PLEKHM3: variants seen among roughly 807,000 people sequenced by gnomAD.
The protein encoded by PLEKHM3 is pleckstrin homology domain containing M3.
A neutral mutation model predicts 81.8 loss-of-function variants in PLEKHM3; 45 were observed. That is an observed-to-expected ratio of 0.55 (90% CI 0.43 to 0.71). PLEKHM3 has a LOEUF of 0.71. PLEKHM3 is among the 30% of genes least tolerant of loss of function. The probability of loss-of-function intolerance (pLI) is 0.00; values close to 1 mark genes in which losing one functional copy is unlikely to be tolerated. For synonymous variants in PLEKHM3, 352 were observed against 356.4 expected, an observed-to-expected ratio of 0.99 and a Z score of 0.14; for missense variants, 788 against 924.3, an observed-to-expected ratio of 0.85 and a Z score of 1.91.
intron 1 of PLEKHM3, among the ~76,000 whole-genome samples, chr2:208,005,200 A>T (rs1692458576): frequency 6.6e-6 from 1 of 152,202 alleles, no homozygotes; most frequent in African/African-American, 2.4e-5. Flanking sequence ...AGTTTCCTCT[A>T]TGTAACATCT....
intron 4 of PLEKHM3, among the ~76,000 whole-genome samples, chr2:207,934,314 T>C (rs1689679696): frequency 6.6e-6 from 1 of 152,162 alleles, no homozygotes; most frequent in Admixed American, 6.5e-5. Flanking sequence ...AAAGAAAAAT[T>C]CAGCTGATAG....
intron 7 of PLEKHM3, among the ~76,000 whole-genome samples, chr2:207,860,855 C>T (rs1214317354): frequency 6.6e-6 from 1 of 152,164 alleles, no homozygotes; most frequent in South Asian, 2.1e-4. Context: ...TCTCTGTTAC[C>T]TAATAAGGCA....
At chr2:208,015,083 A>T (rs938854073) in intron 1 of PLEKHM3, among the ~76,000 whole-genome samples, 9 of 152,260 alleles carry the variant, frequency 5.9e-5, no homozygotes, top group African/African-American at 2.2e-4. Flanking sequence ...TTACTAAAGT[A>T]CTTACTACTT....
intron 3 of PLEKHM3, among the ~76,000 whole-genome samples, chr2:207,956,534 TAA>T (rs1230742864): frequency 6.7e-6 from 1 of 149,230 alleles, no homozygotes; most frequent in African/African-American, 2.5e-5. Flanking sequence ...AAAGTAAACT[TAA>T]AAAAAAAATT....
intron 2 of PLEKHM3, among the ~76,000 whole-genome samples, chr2:207,996,852 CATA>C (rs1057041625): frequency 4.6e-5 from 7 of 152,074 alleles, no homozygotes; most frequent in Admixed American, 2.0e-4. Context: ...AAATTCAATT[CATA>C]ATAATAACAA....
chr2:207,935,290 C>T (rs1574421727), intron 4 of PLEKHM3, among the ~76,000 whole-genome samples: 1 of 152,160 alleles, frequency 6.6e-6, no homozygotes, highest in South Asian at 2.1e-4. Flanking sequence ...CTGCTTAACC[C>T]AGCCACTTCT....
At chr2:207,900,950 CCAA>C (rs953280144) in intron 6 of PLEKHM3, 46 of 324,090 alleles carry the variant, frequency 1.4e-4, no homozygotes, top group South Asian at 2.7e-4. Context: ...CAACAAAAAC[CCAA>C]CAACAACAAC....
chr2:207,908,650 C>A, intron 5 of PLEKHM3, 73 bp from the exon 6 acceptor site: 1 of 1,375,444 alleles, frequency 7.3e-7, no homozygotes, highest in South Asian at 1.2e-5. Context: ...AAGTTTCAGT[C>A]TCATTCAAGA....
At position 208,001,419 on chromosome 2, in the gene PLEKHM3, T is replaced by C. The variant is rs1385072076; in HGVS notation, c.221A>G (p.Asp74Gly). Residue 74 changes from aspartate to glycine, a missense_variant, in exon 2 of 8, where the codon GAC (aspartate) becomes GGC (glycine). Asp to Gly is a moderately conservative substitution (Grantham distance 94). Transcript: ENST00000427836. Reference sequence around the variant, plus strand: ...TTCTAAGAGCCTGCTCTTACAGTGGTCCCAAATCATGCCCCCCTTGCCCAG... The same window carrying C: ...TTCTAAGAGCCTGCTCTTACAGTGGCCCCAAATCATGCCCCCCTTGCCCAG... ...TSLGKGGMIW[D>G]HCKSRLLETK... 2 of 1,614,126 alleles carry C rather than the reference T, an allele frequency of 1.2e-6. No homozygotes were observed. Among genetic ancestry groups the C allele is most frequent in the South Asian group, 2.2e-5 (2 of 91,076 alleles).
intron 2 of PLEKHM3, among the ~76,000 whole-genome samples, chr2:207,982,475 G>A (rs1691564199): frequency 6.6e-6 from 1 of 151,548 alleles, no homozygotes. Flanking sequence ...TTGCTATGTT[G>A]CCCAGGCTGG....
chr2:208,006,905 C>T lies in PLEKHM3; in HGVS notation c.-318-4948G>A, dbSNP rs149778806. Among the ~76,000 whole-genome samples the T allele has an allele frequency of 3.2e-3, 495 of 152,332 alleles. 3 individuals carry two copies. Among genetic ancestry groups the T allele is most frequent in the African/African-American group, 0.011 (476 of 41,574 alleles). Reference sequence around the variant, plus strand: ...TGCATCAAAACGAATCAGTGTATCGCTATTTCCTAACTAAGAAATCTGTTT... The same window carrying T: ...TGCATCAAAACGAATCAGTGTATCGTTATTTCCTAACTAAGAAATCTGTTT... On this transcript the variant is annotated intron_variant, in intron 1 of 7. Transcript: ENST00000427836.
At chr2:207,967,737 G>A (rs146074321) in intron 3 of PLEKHM3, among the ~76,000 whole-genome samples, 2,072 of 152,286 alleles carry the variant, frequency 0.014, 23 homozygotes, top group Non-Finnish European at 0.022. Flanking sequence ...CATTTACTAT[G>A]TGCCAGGCAG....
chr2:207,882,181 C>G (rs2092594937), intron 6 of PLEKHM3, among the ~76,000 whole-genome samples: 1 of 152,182 alleles, frequency 6.6e-6, no homozygotes, highest in African/African-American at 2.4e-5. Context: ...GCTTTAGAAA[C>G]CACAAATTCC....
intron 6 of PLEKHM3, among the ~76,000 whole-genome samples, chr2:207,897,026 C>T (rs895672542): frequency 1.3e-5 from 2 of 152,184 alleles, no homozygotes; most frequent in Non-Finnish European, 2.9e-5. Flanking sequence ...CTCACTCAAG[C>T]GCAGGCCTAG....
At chr2:208,002,810 C>T (rs1692355729) in intron 1 of PLEKHM3, among the ~76,000 whole-genome samples, 1 of 151,914 alleles carries the variant, frequency 6.6e-6, no homozygotes, top group African/African-American at 2.4e-5. Context: ...AGATAGTAGC[C>T]ATTATGACCA....
chr2:207,965,175 AC>A (rs113789137), intron 3 of PLEKHM3, among the ~76,000 whole-genome samples: 30 of 152,328 alleles, frequency 2.0e-4, no homozygotes, highest in African/African-American at 7.0e-4. Context: ...TTATCTTAAA[AC>A]TGTACCTACA....
At chr2:207,931,340 T>C (rs1358087711) in intron 4 of PLEKHM3, among the ~76,000 whole-genome samples, 1 of 152,226 alleles carries the variant, frequency 6.6e-6, no homozygotes, top group Non-Finnish European at 1.5e-5. Context: ...GTATCTTGAC[T>C]GCAGTGGTGA....
At chr2:207,912,474 G>T (rs988189818) in intron 5 of PLEKHM3, among the ~76,000 whole-genome samples, 2 of 152,148 alleles carry the variant, frequency 1.3e-5, no homozygotes, top group African/African-American at 4.8e-5. Flanking sequence ...CAATATATGC[G>T]GGAAAGATGA....
At chr2:207,904,769 A>G (rs190349801) in intron 6 of PLEKHM3, among the ~76,000 whole-genome samples, 1 of 152,364 alleles carries the variant, frequency 6.6e-6, no homozygotes, top group East Asian at 1.9e-4. Flanking sequence ...CTTGAATGTA[A>G]CAAAAGCAGC....
Sources: allele counts gnomAD v4.1 joint callset (sites outside exome capture counted in the v4.1 genomes callset), GRCh38; gene constraint gnomAD v4.1.1; transcripts MANE v1.5; gene names NCBI Gene and HGNC (gene_info 2026-07-23, HGNC 2026-07-21).